TIAM1: variants seen among roughly 807,000 people sequenced by gnomAD.
The protein encoded by TIAM1 is TIAM Rac1 associated GEF 1.
TIAM1 carries 65 observed loss-of-function variants against 163.5 expected under a neutral mutation model. The observed-to-expected ratio is 0.40, with a 90% CI of 0.33 to 0.49. TIAM1 has a LOEUF of 0.49. TIAM1 is among the 20% of genes least tolerant of loss of function. The pLI, the probability that TIAM1 is intolerant of heterozygous loss-of-function variation, is 0.77. For missense variants in TIAM1, 1,789 were observed against 2,044.7 expected, an observed-to-expected ratio of 0.87 and a Z score of 2.41; for synonymous variants, 833 against 810.1, an observed-to-expected ratio of 1.03 and a Z score of -0.48.
At chr21:31,255,823 C>G (rs1255997296) in intron 4 of TIAM1, among the ~76,000 whole-genome samples, 1 of 152,184 alleles carries the variant, frequency 6.6e-6, no homozygotes, top group Non-Finnish European at 1.5e-5. Context: ...CATGTTAGAA[C>G]CACTCCGTTG....
At chr21:31,438,625 C>A (rs1414390287) in intron 2 of TIAM1, among the ~76,000 whole-genome samples, 1 of 152,144 alleles carries the variant, frequency 6.6e-6, no homozygotes, top group African/African-American at 2.4e-5. Flanking sequence ...CCCTCTTTTT[C>A]TTGCATGTGT....
intron 1 of TIAM1, among the ~76,000 whole-genome samples, chr21:31,554,074 G>T (rs2048788246): frequency 6.6e-6 from 1 of 152,138 alleles, no homozygotes; most frequent in African/African-American, 2.4e-5. Flanking sequence ...ACAGTGGAAG[G>T]GAGGCAGGAG....
chr21:31,470,446 G>A (rs2147371447), intron 1 of TIAM1, among the ~76,000 whole-genome samples: 1 of 152,236 alleles, frequency 6.6e-6, no homozygotes, highest in African/African-American at 2.4e-5. Context: ...CGATGCTCCT[G>A]CCTCAGCCTC....
At chr21:31,541,846 C>T (rs2032065) in intron 1 of TIAM1, among the ~76,000 whole-genome samples, 92,704 of 152,138 alleles carry the variant, frequency 0.61, 28,726 homozygotes, top group East Asian at 0.9. Flanking sequence ...TCAATAAAAA[C>T]ACATTTTAAA....
chr21:31,165,174 T>G, intron 15 of TIAM1, 109 bp from the exon 16 acceptor site: 1 of 867,592 alleles, frequency 1.2e-6, no homozygotes, highest in South Asian at 1.6e-5. Flanking sequence ...GTACATATAC[T>G]GTAAGACCCT....
At chr21:31,435,861 T>C (rs1245719917) in intron 2 of TIAM1, among the ~76,000 whole-genome samples, 1 of 152,158 alleles carries the variant, frequency 6.6e-6, no homozygotes, top group Non-Finnish European at 1.5e-5. Flanking sequence ...TTTCTTGTTC[T>C]CTCTCACTCT....
intron 2 of TIAM1, among the ~76,000 whole-genome samples, chr21:31,327,009 G>A (rs529228354): frequency 5.9e-5 from 9 of 152,274 alleles, no homozygotes; most frequent in East Asian, 3.9e-4. Flanking sequence ...GATGTGTTCC[G>A]GCCGCGATTT....
intron 1 of TIAM1, among the ~76,000 whole-genome samples, chr21:31,542,474 C>T (rs1220627209): frequency 6.6e-6 from 1 of 151,876 alleles, no homozygotes; most frequent in Non-Finnish European, 1.5e-5. Flanking sequence ...GTGGGATCAT[C>T]TCACCTCTGA....
chr21:31,135,965 T>G lies in TIAM1; in HGVS notation c.3851A>C (p.Lys1284Thr). 6.2e-7 allele frequency: 1 copy of G among 1,614,206 alleles called. No individual in the cohort carries two copies. The highest frequency in any genetic ancestry group is 8.5e-7 in the Non-Finnish European group (1 of 1,180,032). Reference sequence around the variant, plus strand: ...TGCCAACTCTGGTTCCTTTTTCCACTTGCCCAGCGAGGCCGGCGGGTTCAG... The same window carrying G: ...TGCCAACTCTGGTTCCTTTTTCCACGTGCCCAGCGAGGCCGGCGGGTTCAG... The part of the protein sequence containing the change: ...IWLNPPASLG[K>T]WKKEPELAAF... Residue 1284 changes from lysine (K) to threonine (T), a missense_variant, in exon 23 of 28, where the codon AAG (lysine) becomes ACG (threonine). This residue lies in a region of TIAM1 where 415 missense variants were observed against 439.2 expected (regional missense o/e 0.94). Coordinates refer to ENST00000541036, the MANE Select transcript of TIAM1 (RefSeq NM_001353694.2).
chr21:31,411,348 G>T (rs1449418907), intron 2 of TIAM1, among the ~76,000 whole-genome samples: 4 of 152,120 alleles, frequency 2.6e-5, no homozygotes, highest in African/African-American at 9.7e-5. Flanking sequence ...CAAACTTCTT[G>T]TAAGAGGCCA....
At chr21:31,412,936 T>C (rs1026792619) in intron 2 of TIAM1, among the ~76,000 whole-genome samples, 95 of 151,854 alleles carry the variant, frequency 6.3e-4, no homozygotes, top group African/African-American at 2.2e-3. Context: ...ACAGGCCGCA[T>C]ACCTCCTGCT....
chr21:31,323,291 A>T (rs2075377308), intron 2 of TIAM1, among the ~76,000 whole-genome samples: 1 of 151,830 alleles, frequency 6.6e-6, no homozygotes. Flanking sequence ...TTGATTCAAA[A>T]AAAAAAAAAA....
intron 2 of TIAM1, among the ~76,000 whole-genome samples, chr21:31,425,783 G>A (rs2043772596): frequency 1.3e-5 from 2 of 151,576 alleles, no homozygotes; most frequent in East Asian, 2.0e-4. Context: ...TGCAACCTCC[G>A]CCTCGCAGGT....
chr21:31,169,294 A>AAAT (rs146494866), intron 15 of TIAM1, among the ~76,000 whole-genome samples: 12,272 of 150,974 alleles, frequency 0.081, 692 homozygotes, highest in African/African-American at 0.16. Flanking sequence ...ACTCCGTCTC[A>AAAT]AATAATAATA....
At chr21:31,312,091 G>GCA (rs1416431205) in intron 2 of TIAM1, among the ~76,000 whole-genome samples, 1 of 152,230 alleles carries the variant, frequency 6.6e-6, no homozygotes, top group Non-Finnish European at 1.5e-5. Flanking sequence ...ACTGAAGGAT[G>GCA]CACTGTTGGC....
At position 31,398,413 on chromosome 21, in the gene TIAM1, A is replaced by G. The variant is rs552493407; in HGVS notation, c.-368-58991T>C. Among the ~76,000 whole-genome samples the G allele has an allele frequency of 7.2e-5, 11 of 152,316 alleles. No individual in the cohort carries two copies. The South Asian group carries it at 1.2e-3, about 17-fold the overall frequency. On this transcript the variant is annotated intron_variant, in intron 2 of 28. Transcript: ENST00000286827. ...GTTTGTGTTACTGAAGAAAATGTCA[A>G]AAATTTTTTCTTAAATAAACCACCA...
chr21:31,344,301 T>C (rs945274958), upstream of TIAM1: 1 of 152,266 alleles, frequency 6.6e-6, no homozygotes, highest in Non-Finnish European at 1.5e-5. Context: ...CTTGGGTGTG[T>C]TGGAGAGGGT....
intron 1 of TIAM1, among the ~76,000 whole-genome samples, chr21:31,536,200 G>A (rs2040672722): frequency 1.3e-5 from 2 of 152,288 alleles, no homozygotes; most frequent in South Asian, 4.1e-4. Flanking sequence ...CTATGAAATA[G>A]GTTCTATTAT....
chr21:31,338,067 A>AGGTTTTATC (rs1436839928), intron 2 of TIAM1, among the ~76,000 whole-genome samples: 1 of 152,046 alleles, frequency 6.6e-6, no homozygotes, highest in Non-Finnish European at 1.5e-5. Flanking sequence ...GTCAACCCGG[A>AGGTTTTATC]GGTTTTATCT....
Sources: allele counts gnomAD v4.1 joint callset (sites outside exome capture counted in the v4.1 genomes callset), GRCh38; gene constraint gnomAD v4.1.1; regional missense constraint gnomAD v4.1.1; transcripts MANE v1.5; gene names NCBI Gene and HGNC (gene_info 2026-07-23, HGNC 2026-07-21).